TCF4: variants seen among roughly 807,000 people sequenced by gnomAD.
TCF4 encodes the protein SL3-3 enhancer factor 2.
Under a neutral mutation model 82.1 loss-of-function variants are expected in TCF4, and 3 were observed. That is an observed-to-expected ratio of 0.04 (90% CI 0.02 to 0.09). The LOEUF is 0.09. Ranked by LOEUF, TCF4 falls within the 10% of genes least tolerant of loss-of-function variation. The pLI is 1.00. For synonymous variants in TCF4, 276 were observed against 309.6 expected (o/e 0.89, Z 1.14); for missense variants, 518 against 852.7 (o/e 0.61, Z 4.89).
chr18:55,284,961 T>G (rs1400174827), intron 8 of TCF4, among the ~76,000 whole-genome samples: 1 of 152,220 alleles, frequency 6.6e-6, no homozygotes, highest in Non-Finnish European at 1.5e-5. Context: ...TACTTGTAGG[T>G]GATTAGCTTA....
chr18:55,570,851 C>T lies in TCF4; in HGVS notation c.145+14429G>A, dbSNP rs1299721902. Among the ~76,000 whole-genome samples the T allele has an allele frequency of 2.1e-5, 3 of 142,834 alleles. No individual in the cohort carries two copies. In the East Asian group the frequency reaches 6.1e-4, roughly 29 times the overall value. 93.7% of individuals were successfully genotyped at this position (142,834 alleles called of 152,430 possible). A position where few individuals can be genotyped will look rare whatever the true frequency, so the allele number is the denominator to read the frequency against. ...GAGCCGAGGTTGCAAAACTGCCCTC[C>T]AAGCCTGAGCAACAGAGTGAGATGT... is the stretch of plus-strand genomic sequence containing the variant. On this transcript the variant is annotated intron_variant, in intron 3 of 19. Coordinates refer to ENST00000354452, the MANE Select transcript of TCF4 (RefSeq NM_001083962.2).
chr18:55,254,066 C>T (rs756408491), intron 15 of TCF4, among the ~76,000 whole-genome samples: 3 of 152,106 alleles, frequency 2.0e-5, no homozygotes, highest in South Asian at 4.1e-4. Flanking sequence ...AGCTCTAATA[C>T]GTGGCAAACT....
At chr18:55,360,120 G>C (rs1322579641) in intron 6 of TCF4, among the ~76,000 whole-genome samples, 1 of 152,216 alleles carries the variant, frequency 6.6e-6, no homozygotes, top group Non-Finnish European at 1.5e-5. Context: ...AATGGCAAGA[G>C]AAGGGAATGG....
intron 3 of TCF4, among the ~76,000 whole-genome samples, chr18:55,525,257 T>C (rs2096969865): frequency 6.6e-6 from 1 of 152,154 alleles, no homozygotes; most frequent in Non-Finnish European, 1.5e-5. Context: ...AAATCTCAAT[T>C]ACATGACATC....
intron 8 of TCF4, chr18:55,321,470 G>A (rs1205125036): frequency 4.0e-6 from 3 of 756,226 alleles, no homozygotes; most frequent in Non-Finnish European, 6.6e-6. Context: ...TCTGGGGGAG[G>A]AGTGGGGGGA....
chr18:55,393,167 C>G (rs984647327), intron 6 of TCF4, among the ~76,000 whole-genome samples: 2 of 152,096 alleles, frequency 1.3e-5, no homozygotes, highest in African/African-American at 4.8e-5. Flanking sequence ...GAATTTGAGA[C>G]AGCCTGGACA....
At chr18:55,540,343 T>C (rs542337276) in intron 3 of TCF4, among the ~76,000 whole-genome samples, 2 of 152,248 alleles carry the variant, frequency 1.3e-5, no homozygotes, top group East Asian at 1.9e-4. Flanking sequence ...TTTCACTAAT[T>C]ATGATATTTT....
At chr18:55,460,985 C>T in intron 5 of TCF4, 34 bp downstream of exon 5, 17 of 1,588,734 alleles carry the variant, frequency 1.1e-5, no homozygotes, top group Non-Finnish European at 1.5e-5. Flanking sequence ...CTTGAGCATT[C>T]AAAAAGTGTA....
At chr18:55,394,930 GATATATGCT>G (rs2093402392) in intron 6 of TCF4, among the ~76,000 whole-genome samples, 1 of 152,168 alleles carries the variant, frequency 6.6e-6, no homozygotes, top group African/African-American at 2.4e-5. Context: ...CAGACTCAAC[GATATATGCT>G]TCTTTTCTAA....
intron 3 of TCF4, among the ~76,000 whole-genome samples, chr18:55,518,625 C>T (rs1215676539): frequency 2.0e-5 from 3 of 151,918 alleles, no homozygotes; most frequent in Non-Finnish European, 2.9e-5. Flanking sequence ...TTTTTTTAAC[C>T]GTGAGATAAC....
intron 2 of TCF4, among the ~76,000 whole-genome samples, chr18:55,599,485 C>A (rs895975776): frequency 1.3e-5 from 2 of 152,222 alleles, no homozygotes; most frequent in Non-Finnish European, 2.9e-5. Context: ...CTTTGGGAGG[C>A]CGAGGCGGGC....
At chr18:55,427,816 G>A (rs1015839660) in intron 5 of TCF4, among the ~76,000 whole-genome samples, 41 of 152,092 alleles carry the variant, frequency 2.7e-4, no homozygotes, top group African/African-American at 9.4e-4. Flanking sequence ...ACTGTTCAGC[G>A]AATGAATGAA....
chr18:55,585,590 A>T, intron 2 of TCF4: 1 of 600,046 alleles, frequency 1.7e-6, no homozygotes, highest in Non-Finnish European at 2.8e-6. Context: ...GCCAAGCAGT[A>T]CTACTGCTAC....
intron 6 of TCF4, among the ~76,000 whole-genome samples, chr18:55,368,517 C>CAA (rs376223151): frequency 1.0e-3 from 158 of 151,944 alleles, no homozygotes; most frequent in African/African-American, 3.7e-3. Flanking sequence ...TTAAAAAAAA[C>CAA]AAAAAAACAA....
intron 8 of TCF4, among the ~76,000 whole-genome samples, chr18:55,300,676 T>G (rs1318874208): frequency 6.6e-6 from 1 of 152,210 alleles, no homozygotes; most frequent in Non-Finnish European, 1.5e-5. Context: ...TGATACCATA[T>G]GAGCCACAAA....
intron 2 of TCF4, among the ~76,000 whole-genome samples, chr18:55,613,343 T>G (rs2097708951): frequency 6.6e-6 from 1 of 152,174 alleles, no homozygotes. Context: ...GGATTTTTTT[T>G]GGAATTTTAT....
chr18:55,416,049 A>G (rs1392224354), intron 5 of TCF4, among the ~76,000 whole-genome samples: 1 of 152,168 alleles, frequency 6.6e-6, no homozygotes, highest in Admixed American at 6.5e-5. Flanking sequence ...TAAATTGTCT[A>G]TTCTGTGTCT....
chr18:55,418,102 C>T (rs552976241), intron 5 of TCF4, among the ~76,000 whole-genome samples: 1 of 151,654 alleles, frequency 6.6e-6, no homozygotes, highest in East Asian at 1.9e-4. Context: ...TTTAAGTATT[C>T]ACACTGGTTT....
intron 11 of TCF4, among the ~76,000 whole-genome samples, chr18:55,262,562 C>T (rs1032530716): frequency 2.4e-4 from 37 of 152,158 alleles, no homozygotes; most frequent in African/African-American, 8.7e-4. Flanking sequence ...CCAAGCAAAA[C>T]TTCATTAAAC....
Sources: allele counts gnomAD v4.1 joint callset (sites outside exome capture counted in the v4.1 genomes callset), GRCh38; gene constraint gnomAD v4.1.1; transcripts MANE v1.5; gene names NCBI Gene and HGNC (gene_info 2026-07-23, HGNC 2026-07-21).